CEPT1: variants seen among roughly 807,000 people sequenced by gnomAD.
CEPT1 encodes choline/ethanolaminephosphotransferase 1.
CEPT1 carries 7 observed loss-of-function variants against 42.6 expected under a neutral mutation model. The ratio of observed to expected loss-of-function variants is 0.16; its 90% CI spans 0.09 to 0.31. The LOEUF (loss-of-function observed/expected upper bound fraction) is 0.31, where lower values mean the gene tolerates loss of function less well. Among genes scored for constraint, CEPT1 ranks in the 10% least tolerant of loss-of-function variants. The probability of loss-of-function intolerance (pLI) is 1.00; values close to 1 mark genes in which losing one functional copy is unlikely to be tolerated. For synonymous variants in CEPT1, 171 were observed against 171.9 expected (o/e 0.99, Z 0.04); for missense variants, 306 against 502.1 (o/e 0.61, Z 3.73).
chr1:111,150,087 T>A (rs1655187686), intron 2 of CEPT1, among the ~76,000 whole-genome samples: 1 of 152,230 alleles, frequency 6.6e-6, no homozygotes, highest in South Asian at 2.1e-4. Flanking sequence ...TGCTTGTTGT[T>A]CTGCAAGGGA....
At chr1:111,169,063 T>A (rs974629369) in intron 4 of CEPT1, among the ~76,000 whole-genome samples, 6 of 152,192 alleles carry the variant, frequency 3.9e-5, no homozygotes, top group Admixed American at 3.9e-4. Flanking sequence ...AGTAAATAGT[T>A]GTTATACTAT....
At chr1:111,148,255 C>T (rs1453610008) in intron 2 of CEPT1, among the ~76,000 whole-genome samples, 3 of 151,966 alleles carry the variant, frequency 2.0e-5, no homozygotes, top group African/African-American at 7.3e-5. Flanking sequence ...GACTGTGATC[C>T]TAGTGCTTAA....
chr1:111,148,458 C>G (rs900820382), intron 2 of CEPT1, among the ~76,000 whole-genome samples: 1 of 149,434 alleles, frequency 6.7e-6, no homozygotes, highest in Non-Finnish European at 1.5e-5. Flanking sequence ...GGTTTTTTTT[C>G]CATTCTAGTG....
chr1:111,159,263 T>C (rs1189782250), intron 2 of CEPT1, 117 bp from the exon 3 acceptor site: 46 of 934,446 alleles, frequency 4.9e-5, no homozygotes, highest in Admixed American at 7.5e-5. Flanking sequence ...TATGTAGCAC[T>C]TGGATCTTCT....
intron 4 of CEPT1, among the ~76,000 whole-genome samples, chr1:111,168,089 G>A (rs2101347745): frequency 6.6e-6 from 1 of 151,888 alleles, no homozygotes; most frequent in Middle Eastern, 3.4e-3. Context: ...GCCTAGGATG[G>A]TCTTGAACTT....
At chr1:111,148,345 A>AT (rs1291212190) in intron 2 of CEPT1, among the ~76,000 whole-genome samples, 1 of 145,264 alleles carries the variant, frequency 6.9e-6, no homozygotes, top group Non-Finnish European at 1.5e-5. Flanking sequence ...AAAGTTTTTC[A>AT]TTTTTTTAAA....
intron 4 of CEPT1, among the ~76,000 whole-genome samples, chr1:111,170,576 A>G (rs1173236303): frequency 6.6e-6 from 1 of 152,174 alleles, no homozygotes; most frequent in Non-Finnish European, 1.5e-5. Context: ...ATTCAAAGTC[A>G]GTATATTGAA....
chr1:111,157,616 A>T (rs1191237094), intron 2 of CEPT1, among the ~76,000 whole-genome samples: 1 of 152,238 alleles, frequency 6.6e-6, no homozygotes. Context: ...TTAGTCATAC[A>T]GGATTAATTA....
chr1:111,165,073 G>C (rs1186189669), intron 4 of CEPT1, among the ~76,000 whole-genome samples: 1 of 117,016 alleles, frequency 8.5e-6, no homozygotes, highest in Non-Finnish European at 1.7e-5. Context: ...TTTTTGAGAC[G>C]GAGTCTCACT....
chr1:111,151,134 T>G (rs897672390), intron 2 of CEPT1, among the ~76,000 whole-genome samples: 9 of 151,058 alleles, frequency 6.0e-5, no homozygotes, highest in East Asian at 1.9e-4. Context: ...GTTTGTTTTT[T>G]TTTTTTTTTG....
chr1:111,146,493 A>G (rs1445130487), intron 1 of CEPT1, among the ~76,000 whole-genome samples: 1 of 152,070 alleles, frequency 6.6e-6, no homozygotes, highest in Non-Finnish European at 1.5e-5. Flanking sequence ...ATTCTTAAGT[A>G]CTTTCTGCTG....
intron 2 of CEPT1, among the ~76,000 whole-genome samples, chr1:111,154,683 G>A (rs591100): frequency 0.21 from 31,174 of 152,060 alleles, 3,350 homozygotes; most frequent in Middle Eastern, 0.27. Flanking sequence ...TTGTGGTGAC[G>A]TTTTATCTTG....
Position 111,183,600 on chromosome 1 carries a change from C to CT in CEPT1, c.1131+14dup. On this transcript the variant is annotated intron_variant, in intron 8 of 8. Transcript: ENST00000357172. ...TTGGATTGCCCTGGTAAGTATTGTACTAAGTCTTATTTCATGGTTTGAGGG... is the reference window on the plus strand; with the variant it reads ...TTGGATTGCCCTGGTAAGTATTGTACTTAAGTCTTATTTCATGGTTTGAGGG... 1.9e-6 allele frequency: 3 copies of CT among 1,605,698 alleles called. No individual in the cohort carries two copies. The highest frequency in any genetic ancestry group is 2.6e-6 in the Non-Finnish European group (3 of 1,173,588).
chr1:111,167,518 A>G, intron 4 of CEPT1: 3 of 887,558 alleles, frequency 3.4e-6, no homozygotes, highest in South Asian at 1.0e-4. Context: ...TTTTTTTTAT[A>G]TTTCTATTTT....
chr1:111,146,260 C>T (rs1006884409), intron 1 of CEPT1, among the ~76,000 whole-genome samples: 5 of 151,882 alleles, frequency 3.3e-5, no homozygotes, highest in African/African-American at 9.7e-5. Context: ...TCACTCTTAC[C>T]AAAACTCCAG....
chr1:111,176,985 AGT>A (rs1228395879), intron 5 of CEPT1, among the ~76,000 whole-genome samples: 4 of 152,256 alleles, frequency 2.6e-5, no homozygotes, highest in African/African-American at 7.2e-5. Flanking sequence ...TATTCAGGGT[AGT>A]GGAGCAGCAC....
intron 2 of CEPT1, 51 bp downstream of exon 2, chr1:111,148,104 T>A: frequency 7.1e-7 from 1 of 1,401,350 alleles, no homozygotes; most frequent in Non-Finnish European, 1.0e-6. Context: ...AAAAACGTTG[T>A]AATTGGGATC....
intron 4 of CEPT1, 123 bp downstream of exon 4, chr1:111,161,419 A>T: frequency 1.1e-6 from 1 of 894,016 alleles, no homozygotes; most frequent in Non-Finnish European, 1.7e-6. Flanking sequence ...TAAAAAATTT[A>T]TGCTTCATTA....
At chr1:111,175,037 C>A in intron 5 of CEPT1, 74 bp downstream of exon 5, 1 of 901,142 alleles carries the variant, frequency 1.1e-6, no homozygotes, top group Non-Finnish European at 1.9e-6. Context: ...ATGGGATAAT[C>A]CAGTTAAAGG....
Sources: allele counts gnomAD v4.1 joint callset (sites outside exome capture counted in the v4.1 genomes callset), GRCh38; gene constraint gnomAD v4.1.1; transcripts MANE v1.5; gene names NCBI Gene and HGNC (gene_info 2026-07-23, HGNC 2026-07-21).